The following C21orf91 variants were observed in gnomAD, a reference collection of about 807,000 sequenced individuals.
The protein encoded by C21orf91 is protein EURL homolog.
A neutral mutation model predicts 32.9 loss-of-function variants in C21orf91; 26 were observed. The ratio of observed to expected loss-of-function variants is 0.79; its 90% CI spans 0.58 to 1.10. The LOEUF (loss-of-function observed/expected upper bound fraction) is 1.10. Ranked by LOEUF, C21orf91 falls within the 50% of genes least tolerant of loss-of-function variation. The pLI, the probability that C21orf91 is intolerant of heterozygous loss-of-function variation, is 0.00. For missense variants in C21orf91, 310 were observed against 341.3 expected (o/e 0.91, Z 0.72); for synonymous variants, 126 against 120.4 (o/e 1.05, Z -0.31).
At chr21:17,796,220 C>T (rs1463400343) in intron 3 of C21orf91, among the ~76,000 whole-genome samples, 3 of 152,178 alleles carry the variant, frequency 2.0e-5, no homozygotes, top group Non-Finnish European at 4.4e-5. Flanking sequence ...AATGCCACCA[C>T]CAGTCAATTA....
chr21:17,817,371 T>TAATACAGAAAA (rs1011012970), intron 2 of C21orf91, among the ~76,000 whole-genome samples: 10 of 151,980 alleles, frequency 6.6e-5, no homozygotes. Context: ...TTCAAATATA[T>TAATACAGAAAA]AATACAGAAA....
intron 4 of C21orf91, among the ~76,000 whole-genome samples, chr21:17,793,849 A>AG (rs2062497291): frequency 6.6e-6 from 1 of 152,212 alleles, no homozygotes; most frequent in South Asian, 2.1e-4. Context: ...TTGCTACTGT[A>AG]GCTGAGCTAC....
Position 17,792,265 on chromosome 21 carries a change from A to G in C21orf91, c.*1150T>C, listed in dbSNP as rs941517573. 3.9e-5 allele frequency: 6 copies of G among 152,126 alleles called. No homozygotes were observed. Among genetic ancestry groups the G allele is most frequent in the Admixed American group, 3.3e-4 (5 of 15,272 alleles). The allele number at this position is 152,126 out of a possible 1,614,324, so 9.4% of individuals were successfully genotyped here. ...AGCATCATAGGCAACTTACGAGAACATTCTCTTAATACATAGGTTTATTTT... is the reference window on the plus strand; with the variant it reads ...AGCATCATAGGCAACTTACGAGAACGTTCTCTTAATACATAGGTTTATTTT... On this transcript the variant is annotated 3_prime_UTR_variant, in exon 5 of 5. Coordinates refer to ENST00000284881, the MANE Select transcript of C21orf91 (RefSeq NM_001100420.2).
intron 2 of C21orf91, among the ~76,000 whole-genome samples, chr21:17,815,258 A>G (rs1020782995): frequency 2.0e-5 from 3 of 152,186 alleles, no homozygotes; most frequent in Non-Finnish European, 4.4e-5. Context: ...AACTAGCTTA[A>G]CTGTTATTAT....
chr21:17,809,951 C>T (rs568665160), intron 2 of C21orf91, among the ~76,000 whole-genome samples: 2 of 152,296 alleles, frequency 1.3e-5, no homozygotes, highest in African/African-American at 4.8e-5. Context: ...AAATAAGATA[C>T]ATTAATTGAA....
At chr21:17,813,007 T>C (rs2062642931) in intron 2 of C21orf91, among the ~76,000 whole-genome samples, 1 of 152,190 alleles carries the variant, frequency 6.6e-6, no homozygotes, top group African/African-American at 2.4e-5. Context: ...TATTCTGTTA[T>C]AGCAGCTCAA....
rs1038947651 is a variant in C21orf91 at position 17,792,267 on chromosome 21, T to C, written c.*1148A>G. 3 of 152,128 alleles carry C rather than the reference T, an allele frequency of 2.0e-5. No homozygotes were observed. The highest frequency in any genetic ancestry group is 4.4e-5 in the Non-Finnish European group (3 of 68,002). The allele number at this position is 152,128 out of a possible 1,614,324, so 9.4% of individuals were successfully genotyped here. A position where few individuals can be genotyped will look rare whatever the true frequency, so the allele number is the denominator to read the frequency against. On this transcript the variant is annotated 3_prime_UTR_variant, in exon 5 of 5. Transcript: ENST00000284881. ...CATCATAGGCAACTTACGAGAACAT[T>C]CTCTTAATACATAGGTTTATTTTTT...
chr21:17,798,248 C>T (rs1600877246), intron 2 of C21orf91, among the ~76,000 whole-genome samples: 2 of 152,256 alleles, frequency 1.3e-5, no homozygotes, highest in African/African-American at 2.4e-5. Context: ...TTTATTTGAA[C>T]TCCAAAGTCT....
chr21:17,811,291 A>T (rs540556082), intron 2 of C21orf91: 1 of 152,186 alleles, frequency 6.6e-6, no homozygotes, highest in African/African-American at 2.4e-5. Flanking sequence ...AAAATTAAAA[A>T]CTGTATGTAA....
At chr21:17,814,923 C>T (rs2062655873) in intron 2 of C21orf91, among the ~76,000 whole-genome samples, 1 of 152,018 alleles carries the variant, frequency 6.6e-6, no homozygotes, top group Admixed American at 6.6e-5. Context: ...TATCTGAGTC[C>T]TCAAAGTGTG....
Position 17,793,463 on chromosome 21 carries a change from C to T in C21orf91, c.846G>A (p.Leu282=). ...LLKNCSKLPC[L]QVGRTGMKSH... is the part of the protein sequence containing the mutation. Reference sequence around the variant, plus strand: ...ACTTCATTCCTGTTCGCCCTACTTGCAGACATGGTAACTTAGAACAGTTCT... The same window carrying T: ...ACTTCATTCCTGTTCGCCCTACTTGTAGACATGGTAACTTAGAACAGTTCT... Residue 282 remains leucine, a synonymous_variant, in exon 5 of 5, where the codon CTG becomes CTA. Transcript: ENST00000284881. 1 of 1,613,056 alleles carries T rather than the reference C, an allele frequency of 6.2e-7. No individual in the cohort carries two copies.
In C21orf91 at chr21:17,796,619, A is replaced by C; in HGVS notation, c.627T>G (p.Asn209Lys). Reference sequence around the variant, plus strand: ...TGTAATGTGGATGCTGGGTCTGGACATTAGCCTCTGGACTAGAGATTGTCT... The same window carrying C: ...TGTAATGTGGATGCTGGGTCTGGACCTTAGCCTCTGGACTAGAGATTGTCT... ...KEETISSPEANVQTQHPHYSR... is the reference protein window; with the variant it reads ...KEETISSPEAKVQTQHPHYSR... The change falls in exon 3 of 5, where the codon AAT becomes AAG. Residue 209 changes from asparagine (N) to lysine (K), a missense_variant. Asn to Lys is a moderately conservative substitution (Grantham distance 94). Coordinates refer to ENST00000284881, the MANE Select transcript of C21orf91 (RefSeq NM_001100420.2). The C allele has an allele frequency of 6.2e-7, 1 of 1,614,042 alleles. No individual in the cohort carries two copies.
At chr21:17,811,071 TA>T (rs1271756324) in intron 2 of C21orf91, among the ~76,000 whole-genome samples, 1 of 152,222 alleles carries the variant, frequency 6.6e-6, no homozygotes, top group Non-Finnish European at 1.5e-5. Context: ...CAATCTTGCC[TA>T]AAAGTTACTT....
In C21orf91 at chr21:17,793,422, T is replaced by C; in HGVS notation, c.887A>G (p.Asn296Ser). 6 of 1,606,292 alleles carry C rather than the reference T, an allele frequency of 3.7e-6. No homozygotes were observed. The highest frequency in any genetic ancestry group is 5.1e-6 in the Non-Finnish European group (6 of 1,174,752). The change falls in exon 5 of 5, where the codon AAC becomes AGC. Residue 296 changes from asparagine (N) to serine (S), a missense_variant. Physicochemically the swap from Asn to Ser is conservative, Grantham distance 46. Coordinates refer to ENST00000284881, the MANE Select transcript of C21orf91 (RefSeq NM_001100420.2). ...GAAGTAAGTCTGTTTAGGTCAGTTGTTTATGGGTAGGTGCGACTTCATTCC... is the reference window on the plus strand; with the variant it reads ...GAAGTAAGTCTGTTTAGGTCAGTTGCTTATGGGTAGGTGCGACTTCATTCC... ...RTGMKSHLPINN is the reference protein window; with the variant it reads ...RTGMKSHLPISN
Position 17,789,253 on chromosome 21 carries a change from T to TCACACACACACACA in C21orf91, c.*4148_*4161dup, listed in dbSNP as rs3835319. The TCACACACACACACA allele has an allele frequency of 6.7e-6, 1 of 149,736 alleles. No homozygotes were observed. Among genetic ancestry groups the TCACACACACACACA allele is most frequent in the African/African-American group, 2.5e-5 (1 of 40,430 alleles). The allele number at this position is 149,736 out of a possible 1,614,324, so 9.3% of individuals were successfully genotyped here. ...ATACGCTACTGTTTTAAAGCAAGGT[T>TCACACACACACACA]CACACACACACACACACACACACAC... On this transcript the variant is annotated 3_prime_UTR_variant, in exon 5 of 5. Transcript: ENST00000284881.
chr21:17,802,770 T>C (rs1338987454), intron 2 of C21orf91, among the ~76,000 whole-genome samples: 1 of 152,242 alleles, frequency 6.6e-6, no homozygotes, highest in Admixed American at 6.5e-5. Context: ...CAGCTGTCTA[T>C]GCTGATGCTG....
intron 4 of C21orf91, among the ~76,000 whole-genome samples, chr21:17,794,910 T>C (rs958370049): frequency 2.1e-5 from 3 of 145,012 alleles, no homozygotes; most frequent in South Asian, 2.2e-4. Flanking sequence ...CTATAAAAAA[T>C]AGAAAATTAG....
At chr21:17,813,394 T>C (rs1487023667) in intron 2 of C21orf91, among the ~76,000 whole-genome samples, 1 of 152,172 alleles carries the variant, frequency 6.6e-6, no homozygotes, top group Non-Finnish European at 1.5e-5. Flanking sequence ...CAAGGAACAG[T>C]AAGATTAAAC....
At chr21:17,818,753 T>C (rs2062683846) in intron 1 of C21orf91, 1 of 154,154 alleles carries the variant, frequency 6.5e-6, no homozygotes, top group South Asian at 2.0e-4. Flanking sequence ...ACTGCTTTGC[T>C]AACTTCATTG....
Sources: gnomAD v4.1 joint callset for allele counts (sites outside exome capture counted in the v4.1 genomes callset) on GRCh38, gnomAD v4.1.1 for gene constraint, MANE v1.5 for transcripts, NCBI Gene and HGNC (gene_info 2026-07-23, HGNC 2026-07-21) for gene names.